Variants in PCSK6 observed in about 807,000 individuals in gnomAD.
The protein encoded by PCSK6 is paired basic amino acid cleaving enzyme 4.
In PCSK6, 85 loss-of-function variants were observed where a neutral mutation model predicts 123.3. The ratio of observed to expected loss-of-function variants is 0.69; its 90% CI spans 0.58 to 0.83. The LOEUF is 0.83. Among genes scored for constraint, PCSK6 ranks in the 40% least tolerant of loss-of-function variants. The pLI is 0.00. For missense variants in PCSK6, 1,191 were observed against 1,282.3 expected (o/e 0.93, Z 1.09); for synonymous variants, 508 against 516.0 (o/e 0.98, Z 0.21).
chr15:101,362,113 T>C (rs893543926), intron 13 of PCSK6, among the ~76,000 whole-genome samples: 14 of 152,146 alleles, frequency 9.2e-5, no homozygotes, highest in Admixed American at 3.3e-4. Context: ...CCCGCCACCA[T>C]GCCTGGTTAA....
chr15:101,348,933 G>A (rs1274669394), intron 13 of PCSK6, among the ~76,000 whole-genome samples: 2 of 152,194 alleles, frequency 1.3e-5, no homozygotes, highest in African/African-American at 4.8e-5. Flanking sequence ...CACTCAAGTC[G>A]CCTGGATAAC....
chr15:101,415,749 T>A (rs1191622728), intron 6 of PCSK6, among the ~76,000 whole-genome samples: 1 of 152,252 alleles, frequency 6.6e-6, no homozygotes, highest in Admixed American at 6.5e-5. Context: ...TTTCCTGTGC[T>A]ATTTTTGTGA....
intron 18 of PCSK6, among the ~76,000 whole-genome samples, chr15:101,321,654 G>A (rs569097206): frequency 1.3e-5 from 2 of 152,270 alleles, no homozygotes; most frequent in Non-Finnish European, 2.9e-5. Flanking sequence ...AAGGGAGACG[G>A]GGCTGGGGGT....
rs1392575599 is a variant in PCSK6 at position 101,384,332 on chromosome 15, C to T, written c.1404G>A (p.Ala468=). The change falls in exon 10 of 22, where the codon GCG becomes GCA. Residue 468 remains alanine, a synonymous_variant. Coordinates refer to ENST00000611716, the MANE Select transcript of PCSK6 (RefSeq NM_002570.5). ...LKASDWKVNG[A]GHKVSHFYGF... ...ACGCCACTGCCGCACCTTTATGACC[C>T]GCGCCGTTCACTTTCCAGTCGCTCG... 5.3e-5 allele frequency: 86 copies of T among 1,613,596 alleles called. No homozygotes were observed. Among genetic ancestry groups the T allele is most frequent in the South Asian group, 1.1e-4 (10 of 91,036 alleles).
At chr15:101,389,098 G>A (rs2042152871) in intron 9 of PCSK6, among the ~76,000 whole-genome samples, 1 of 152,184 alleles carries the variant, frequency 6.6e-6, no homozygotes, top group Non-Finnish European at 1.5e-5. Context: ...ACAGCAGAAG[G>A]GGAGAAGTCA....
chr15:101,421,424 T>C (rs1277524298), intron 6 of PCSK6, among the ~76,000 whole-genome samples: 5 of 152,236 alleles, frequency 3.3e-5, no homozygotes, highest in African/African-American at 1.2e-4. Flanking sequence ...CCCTTGAGTG[T>C]ATTGTTAAAC....
In PCSK6 at chr15:101,322,621, G is replaced by C; in HGVS notation, c.2378-14C>G. The stretch of plus-strand genomic sequence containing the variant: ...AATTTTTCTGACCTGGAGAAAAATA[G>C]CGAGATAAGAAAAGAGAAGGGACGA... On this transcript the variant is annotated splice_polypyrimidine_tract_variant and intron_variant, in intron 17 of 21. Coordinates refer to ENST00000611716, the MANE Select transcript of PCSK6 (RefSeq NM_002570.5). 6.4e-7 allele frequency: 1 copy of C among 1,550,552 alleles called. No homozygotes were observed. Among genetic ancestry groups the C allele is most frequent in the Non-Finnish European group, 8.9e-7 (1 of 1,122,298 alleles).
chr15:101,387,919 C>G (rs1237986476), intron 9 of PCSK6, among the ~76,000 whole-genome samples: 1 of 152,264 alleles, frequency 6.6e-6, no homozygotes, highest in African/African-American at 2.4e-5. Context: ...GTCGAGCGCT[C>G]TAGACTGACA....
At chr15:101,340,308 C>T (rs1039106569) in intron 13 of PCSK6, among the ~76,000 whole-genome samples, 9 of 152,088 alleles carry the variant, frequency 5.9e-5, no homozygotes, top group African/African-American at 2.2e-4. Context: ...CCTATAGCCA[C>T]AAAAACCCTG....
intron 6 of PCSK6, among the ~76,000 whole-genome samples, chr15:101,407,845 G>T (rs1202277731): frequency 6.6e-6 from 1 of 152,236 alleles, no homozygotes; most frequent in Non-Finnish European, 1.5e-5. Context: ...CTCCTCATCT[G>T]CTGGCCTTGC....
In PCSK6 at chr15:101,339,830, G is replaced by C. The variant is rs113757476; in HGVS notation, c.1859-7799C>G. 2.8e-3 allele frequency among the ~76,000 whole-genome samples: 426 copies of C among 152,168 alleles called. 2 individuals are homozygous for C. The highest frequency in any genetic ancestry group is 9.9e-3 in the African/African-American group (411 of 41,540). ...GGAGGCTGAGTTGGGAGGATTGCTAGAGCCCAAGAGTTGGAGGCTGCAGTG... is the reference window on the plus strand; with the variant it reads ...GGAGGCTGAGTTGGGAGGATTGCTACAGCCCAAGAGTTGGAGGCTGCAGTG... On this transcript the variant is annotated intron_variant, in intron 13 of 21. Coordinates refer to ENST00000611716, the MANE Select transcript of PCSK6 (RefSeq NM_002570.5).
chr15:101,373,747 A>G (rs929067401), intron 11 of PCSK6, among the ~76,000 whole-genome samples: 1 of 152,250 alleles, frequency 6.6e-6, no homozygotes, highest in Non-Finnish European at 1.5e-5. Flanking sequence ...AATGAAAAAA[A>G]CAGAAGTGGT....
intron 8 of PCSK6, 86 bp from the exon 9 acceptor site, chr15:101,389,650 C>CT: frequency 9.6e-7 from 1 of 1,042,494 alleles, no homozygotes; most frequent in Non-Finnish European, 1.4e-6. Flanking sequence ...TCAGGTGCCA[C>CT]TAACTGGCAA....
chr15:101,473,661 T>C (rs1004382194), intron 1 of PCSK6, among the ~76,000 whole-genome samples: 3 of 152,204 alleles, frequency 2.0e-5, no homozygotes, highest in South Asian at 4.1e-4. Flanking sequence ...GTGGATCACC[T>C]GAGGTCAGGA....
chr15:101,373,376 T>C (rs1307048354), intron 11 of PCSK6, among the ~76,000 whole-genome samples: 1 of 152,190 alleles, frequency 6.6e-6, no homozygotes, highest in Non-Finnish European at 1.5e-5. Context: ...ATGTGAAAGC[T>C]CTTAACTGCT....
At chr15:101,468,590 C>T (rs1274249107) in intron 1 of PCSK6, among the ~76,000 whole-genome samples, 1 of 152,202 alleles carries the variant, frequency 6.6e-6, no homozygotes, top group Non-Finnish European at 1.5e-5. Context: ...CAGGACTCCA[C>T]AAACACCCAG....
chr15:101,360,179 G>A (rs1173480094), intron 13 of PCSK6, among the ~76,000 whole-genome samples: 1 of 152,118 alleles, frequency 6.6e-6, no homozygotes, highest in African/African-American at 2.4e-5. Context: ...TGCCCCGTCG[G>A]AGTCACCTTC....
intron 8 of PCSK6, among the ~76,000 whole-genome samples, 169 bp downstream of exon 8, chr15:101,393,043 G>A (rs548629182): frequency 6.6e-6 from 1 of 152,266 alleles, no homozygotes; most frequent in Non-Finnish European, 1.5e-5. Context: ...CAAGGGACTG[G>A]GGTTTACCTC....
chr15:101,409,456 G>T (rs1222309799), intron 6 of PCSK6, among the ~76,000 whole-genome samples: 1 of 152,042 alleles, frequency 6.6e-6, no homozygotes, highest in Admixed American at 6.5e-5. Context: ...GCGGTGGCGG[G>T]CGCCTGTAGT....
Sources: allele counts gnomAD v4.1 joint callset (sites outside exome capture counted in the v4.1 genomes callset), GRCh38; gene constraint gnomAD v4.1.1; transcripts MANE v1.5; gene names NCBI Gene and HGNC (gene_info 2026-07-23, HGNC 2026-07-21).